PEAK1: variants seen among roughly 807,000 people sequenced by gnomAD.
PEAK1 encodes the protein pseudopodium enriched atypical kinase 1.
A neutral mutation model predicts 124.7 loss-of-function variants in PEAK1; 54 were observed. The observed-to-expected ratio is 0.43, with a 90% CI of 0.35 to 0.54. The LOEUF (loss-of-function observed/expected upper bound fraction) is 0.54, where lower values mean the gene tolerates loss of function less well. PEAK1 is among the 20% of genes least tolerant of loss of function. The pLI is 0.01. For missense variants in PEAK1, 2,046 were observed against 2,134.5 expected (o/e 0.96, Z 0.82); for synonymous variants, 719 against 760.0 (o/e 0.95, Z 0.89).
chr15:77,242,165 TC>T (rs1208325814), intron 6 of PEAK1, among the ~76,000 whole-genome samples: 1 of 152,144 alleles, frequency 6.6e-6, no homozygotes, highest in Non-Finnish European at 1.5e-5. Flanking sequence ...TTTGCACACA[TC>T]TTTATTTCCT....
chr15:77,378,940 G>C (rs899288158), intron 1 of PEAK1, among the ~76,000 whole-genome samples: 2 of 152,080 alleles, frequency 1.3e-5, no homozygotes, highest in African/African-American at 4.8e-5. Flanking sequence ...GATTTTGCTC[G>C]CCACCCCTAT....
intron 7 of PEAK1, among the ~76,000 whole-genome samples, chr15:77,160,111 C>T (rs979586333): frequency 6.6e-6 from 1 of 151,844 alleles, no homozygotes; most frequent in Non-Finnish European, 1.5e-5. Context: ...GGGCTGCCCT[C>T]GGTCATCAAC....
At chr15:77,346,599 T>C (rs1292150270) in intron 2 of PEAK1, 1 of 985,328 alleles carries the variant, frequency 1.0e-6, no homozygotes, top group Non-Finnish European at 1.2e-6. Context: ...TCCCTTCTTC[T>C]AAAAGAATTC....
chr15:77,145,520 T>C (rs1041535870), intron 8 of PEAK1, among the ~76,000 whole-genome samples: 3 of 152,162 alleles, frequency 2.0e-5, no homozygotes, highest in Admixed American at 6.5e-5. Flanking sequence ...TGTTTGCTTA[T>C]GACCTGGTAG....
rs533841641 is a variant in PEAK1 at position 77,263,480 on chromosome 15, T to G, written c.-274-10954A>C. On this transcript the variant is annotated intron_variant, in intron 5 of 9. Coordinates refer to ENST00000682557, the MANE Select transcript of PEAK1 (RefSeq NM_001385026.1). ...CATCAGAGAATACTATAAACACCTCTACACAAATAAACTAGAAAATCTAGA... is the reference window on the plus strand; with the variant it reads ...CATCAGAGAATACTATAAACACCTCGACACAAATAAACTAGAAAATCTAGA... Among the ~76,000 whole-genome samples, 7 of 152,246 alleles carry G rather than the reference T, an allele frequency of 4.6e-5. No individual in the cohort carries two copies. The South Asian group carries it at 1.0e-3, about 23-fold the overall frequency.
rs561513924 is a variant in PEAK1, at chr15:77,151,535, T to C, written c.3331+6968A>G. 2.0e-5 allele frequency among the ~76,000 whole-genome samples: 3 copies of C among 152,340 alleles called. No individual in the cohort carries two copies. In the South Asian group the frequency reaches 6.2e-4, roughly 32 times the overall value. ...TTTAATTAGATCCCATTTGTCAATTTTGGCTTTTGCTGCCATTGCTTTTGG... is the reference window on the plus strand; with the variant it reads ...TTTAATTAGATCCCATTTGTCAATTCTGGCTTTTGCTGCCATTGCTTTTGG... On this transcript the variant is annotated intron_variant, in intron 8 of 9. Transcript: ENST00000682557.
rs535097527 is a variant in PEAK1 at position 77,381,544 on chromosome 15, G to C, written c.-665-16319C>G. The C allele has an allele frequency of 3.2e-5, 27 of 837,658 alleles. No homozygotes were observed. The South Asian group carries it at 1.5e-3, about 46-fold the overall frequency. 51.9% of individuals were successfully genotyped at this position (837,658 alleles called of 1,614,324 possible). A position where few individuals can be genotyped will look rare whatever the true frequency, so the allele number is the denominator to read the frequency against. On this transcript the variant is annotated intron_variant, in intron 1 of 9. Coordinates refer to ENST00000682557, the MANE Select transcript of PEAK1 (RefSeq NM_001385026.1). ...TTTTCCATTACAGATTCAATTCATT[G>C]AGTAAACAGAAAGGTTCACTTGTAA...
At chr15:77,348,784 CTTTTTTGT>C (rs955416759) in intron 2 of PEAK1, 1 of 433,630 alleles carries the variant, frequency 2.3e-6, no homozygotes, top group African/African-American at 5.2e-5. Flanking sequence ...ATCTTTTTTT[CTTTTTTGT>C]TTTTGTGGGG....
chr15:77,280,642 A>C (rs981977003), intron 5 of PEAK1, among the ~76,000 whole-genome samples: 3 of 147,090 alleles, frequency 2.0e-5, no homozygotes, highest in Non-Finnish European at 4.5e-5. Flanking sequence ...TTATTATTTT[A>C]GAATTAACAA....
Position 77,179,861 on chromosome 15 carries a change from T to G in PEAK1, c.2066A>C (p.Lys689Thr), listed in dbSNP as rs760713970. The change falls in exon 7 of 10, where the codon AAA becomes ACA. Residue 689 changes from lysine (K) to threonine (T), a missense_variant. Coordinates refer to ENST00000682557, the MANE Select transcript of PEAK1 (RefSeq NM_001385026.1). ...TSKTTDCLQT[K>T]GFSNSTEHKR... is the part of the protein sequence containing the mutation. ...ATGCTCTGTGCTGTTTGAAAACCCT[T>G]TAGTTTGAAGACAGTCAGTGGTTTT... The G allele has an allele frequency of 1.9e-6, 3 of 1,614,110 alleles. No individual in the cohort carries two copies. In the East Asian group the frequency reaches 6.7e-5, roughly 36 times the overall value.
chr15:77,417,572 T>C (rs1296218653), intron 1 of PEAK1: 3 of 985,360 alleles, frequency 3.0e-6, no homozygotes, highest in South Asian at 9.4e-5. Context: ...TTTGCAACAC[T>C]GATATGGAGC....
chr15:77,402,283 T>C, intron 1 of PEAK1: 1 of 984,910 alleles, frequency 1.0e-6, no homozygotes, highest in Non-Finnish European at 1.2e-6. Flanking sequence ...AGTAATAGAA[T>C]TGCTTTAAAA....
chr15:77,341,017 C>T (rs988987977), intron 2 of PEAK1, among the ~76,000 whole-genome samples: 24 of 151,452 alleles, frequency 1.6e-4, no homozygotes, highest in African/African-American at 5.6e-4. Flanking sequence ...GTGGCACAAT[C>T]ACAGATCACT....
At chr15:77,139,932 A>G (rs1365717050) in intron 8 of PEAK1, among the ~76,000 whole-genome samples, 1 of 152,136 alleles carries the variant, frequency 6.6e-6, no homozygotes, top group African/African-American at 2.4e-5. Flanking sequence ...CAAGGCGGCC[A>G]GAGCTTTTGT....
At chr15:77,332,962 C>A (rs1327359906) in intron 2 of PEAK1, 4 of 664,060 alleles carry the variant, frequency 6.0e-6, no homozygotes, top group Non-Finnish European at 7.4e-6. Flanking sequence ...ACAAACTGCC[C>A]TATTCATGAC....
intron 1 of PEAK1, among the ~76,000 whole-genome samples, chr15:77,379,024 T>A (rs547927866): frequency 2.4e-4 from 37 of 152,350 alleles, no homozygotes; most frequent in African/African-American, 8.7e-4. Context: ...TAAAGAGCTA[T>A]ATCTGCTGAA....
chr15:77,288,545 A>G (rs1026493814), intron 2 of PEAK1, among the ~76,000 whole-genome samples: 1 of 152,258 alleles, frequency 6.6e-6, no homozygotes, highest in Non-Finnish European at 1.5e-5. Context: ...AAAACCAGTG[A>G]GAAGGGAAAC....
intron 6 of PEAK1, among the ~76,000 whole-genome samples, chr15:77,222,788 T>C (rs1169246752): frequency 6.6e-6 from 1 of 152,044 alleles, no homozygotes; most frequent in Non-Finnish European, 1.5e-5. Context: ...AGAGGCTATT[T>C]TCTTTGCCAT....
chr15:77,143,180 G>A (rs941990118), intron 8 of PEAK1, among the ~76,000 whole-genome samples: 9 of 152,082 alleles, frequency 5.9e-5, no homozygotes, highest in African/African-American at 1.7e-4. Context: ...AATGTGAGAC[G>A]TCAGACCATG....
Sources: gnomAD v4.1 joint callset for allele counts (sites outside exome capture counted in the v4.1 genomes callset) on GRCh38, gnomAD v4.1.1 for gene constraint, MANE v1.5 for transcripts, NCBI Gene and HGNC (gene_info 2026-07-23, HGNC 2026-07-21) for gene names.